TMPRSS13: variants seen among roughly 807,000 people sequenced by gnomAD.
The protein encoded by TMPRSS13 is transmembrane serine protease 13.
Under a neutral mutation model 68.4 loss-of-function variants are expected in TMPRSS13, and 50 were observed. The observed-to-expected ratio is 0.73, with a 90% CI of 0.58 to 0.93. TMPRSS13 has a LOEUF of 0.93. Ranked by LOEUF, TMPRSS13 falls within the 40% of genes least tolerant of loss-of-function variation. The pLI, the probability that TMPRSS13 is intolerant of heterozygous loss-of-function variation, is 0.00. For missense variants in TMPRSS13, 615 were observed against 729.2 expected (o/e 0.84, Z 1.80); for synonymous variants, 267 against 285.8 (o/e 0.93, Z 0.66).
intron 10 of TMPRSS13, among the ~76,000 whole-genome samples, chr11:117,904,865 A>ATATATATATATG (rs1380168630): frequency 1.4e-4 from 1 of 7,314 alleles, no homozygotes; most frequent in Non-Finnish European, 2.3e-4. Context: ...ATAAGATTAT[A>ATATATATATATG]TATATATATA....
At chr11:117,907,759 T>G (rs1275640668) in intron 9 of TMPRSS13, 1 of 974,258 alleles carries the variant, frequency 1.0e-6, no homozygotes. Flanking sequence ...CCACCATAGC[T>G]CCCTGCTCCC....
intron 1 of TMPRSS13, among the ~76,000 whole-genome samples, chr11:117,923,013 C>T (rs559501440): frequency 9.2e-5 from 14 of 151,982 alleles, no homozygotes; most frequent in South Asian, 4.1e-4. Flanking sequence ...GGCAGGGGTC[C>T]GCAGGAAAGC....
chr11:117,926,157 G>A lies in TMPRSS13; in HGVS notation c.21+3130C>T, dbSNP rs532157304. ...TGCCAGGGTCCTTGGAGGACGAGGT[G>A]AGGGCTACACACCTGCAGGGGCATA... On this transcript the variant is annotated intron_variant, in intron 1 of 12. Transcript: ENST00000524993. Among the ~76,000 whole-genome samples the A allele has an allele frequency of 4.4e-3, 615 of 139,500 alleles. 1 individual carries two copies. Among genetic ancestry groups the A allele is most frequent in the African/African-American group, 0.016 (567 of 34,994 alleles). The allele number at this position is 139,500 out of a possible 152,430, so 91.5% of individuals were successfully genotyped here.
Position 117,901,953 on chromosome 11 carries a change from T to C in TMPRSS13, c.*286A>G. Reference sequence around the variant, plus strand: ...CTCCATCCATCTATGGACACTCCTGTAGGAACATCCACGGTACTCAACTCT... The same window carrying C: ...CTCCATCCATCTATGGACACTCCTGCAGGAACATCCACGGTACTCAACTCT... On this transcript the variant is annotated 3_prime_UTR_variant, in exon 13 of 13. Coordinates refer to ENST00000524993, the MANE Select transcript of TMPRSS13 (RefSeq NM_001077263.3). 1 of 512,956 alleles carries C rather than the reference T, an allele frequency of 1.9e-6. No homozygotes were observed. The highest frequency in any genetic ancestry group is 3.2e-5 in the Admixed American group (1 of 31,600). 31.8% of individuals were successfully genotyped at this position (512,956 alleles called of 1,614,324 possible). A position where few individuals can be genotyped will look rare whatever the true frequency, so the allele number is the denominator to read the frequency against.
At chr11:117,927,044 C>CTA (rs2057714220) in intron 1 of TMPRSS13, among the ~76,000 whole-genome samples, 1 of 152,208 alleles carries the variant, frequency 6.6e-6, no homozygotes, top group South Asian at 2.1e-4. Flanking sequence ...ACATAATGAA[C>CTA]TATAACTCAA....
intron 1 of TMPRSS13, among the ~76,000 whole-genome samples, chr11:117,923,838 T>TTAAAAAAAAAA (rs56359328): frequency 3.1e-5 from 4 of 128,144 alleles, no homozygotes; most frequent in African/African-American, 8.5e-5. Context: ...GTATAATAAT[T>TTAAAAAAAAAA]AAAAAAAAAA....
intron 9 of TMPRSS13, chr11:117,907,706 G>T: frequency 2.7e-6 from 2 of 739,028 alleles, no homozygotes; most frequent in Non-Finnish European, 3.3e-6. Context: ...CCTCTGCTGA[G>T]CTTCCCCTAG....
chr11:117,910,069 G>C (rs1276443344), intron 7 of TMPRSS13, 101 bp from the exon 8 acceptor site: 11 of 1,450,086 alleles, frequency 7.6e-6, no homozygotes, highest in African/African-American at 1.4e-5. Flanking sequence ...GGCCAGGACA[G>C]GCTCAGGCAG....
chr11:117,923,654 G>A (rs181058811), intron 1 of TMPRSS13, among the ~76,000 whole-genome samples: 3 of 152,202 alleles, frequency 2.0e-5, no homozygotes, highest in South Asian at 4.1e-4. Flanking sequence ...TTGGACACAG[G>A]ATGGGGAACA....
At chr11:117,905,388 A>G (rs1324325815) in intron 10 of TMPRSS13, among the ~76,000 whole-genome samples, 1 of 152,058 alleles carries the variant, frequency 6.6e-6, no homozygotes, top group African/African-American at 2.4e-5. Flanking sequence ...TGAGCAATGA[A>G]CTCAACTAGT....
chr11:117,911,254 C>T (rs964028042), intron 6 of TMPRSS13, among the ~76,000 whole-genome samples: 2 of 152,204 alleles, frequency 1.3e-5, no homozygotes, highest in African/African-American at 4.8e-5. Flanking sequence ...AGACCCCAAA[C>T]CTCTGATGCT....
In TMPRSS13 at chr11:117,905,686, T is replaced by C. The variant is rs779658757; in HGVS notation, c.1333A>G (p.Asn445Asp). Residue 445 changes from asparagine to aspartate, a missense_variant, in exon 10 of 13, where the codon AAT becomes GAT. Coordinates refer to ENST00000524993, the MANE Select transcript of TMPRSS13 (RefSeq NM_001077263.3). ...AAGCCTGTGATCCAGCAGGTCTCATTGAGGCTAAAGGTCTGTCCATGCATG... is the reference window on the plus strand; with the variant it reads ...AAGCCTGTGATCCAGCAGGTCTCATCGAGGCTAAAGGTCTGTCCATGCATG... ...LPMHGQTFSL[N>D]ETCWITGFGK... The C allele has an allele frequency of 6.2e-7, 1 of 1,606,694 alleles. No individual in the cohort carries two copies. The highest frequency in any genetic ancestry group is 1.1e-5 in the South Asian group (1 of 89,466).
intron 2 of TMPRSS13, 100 bp downstream of exon 2, chr11:117,918,309 G>C: frequency 2.3e-6 from 3 of 1,287,860 alleles, no homozygotes; most frequent in Non-Finnish European, 3.2e-6. Flanking sequence ...TCCCCGCATC[G>C]TTGTCTGCTA....
Position 117,903,742 on chromosome 11 carries a change from G to C in TMPRSS13, c.1590C>G (p.Ser530Arg). The change falls in exon 12 of 13, where the codon AGC becomes AGG. Residue 530 changes from serine (S) to arginine (R), a missense_variant. Physicochemically the swap from Ser to Arg is moderately radical, Grantham distance 110. Transcript: ENST00000524993. ...TTCTCTGGCCACAGCCTGTGCCCCA[G>C]CTGGTGACACCTGCCAGGTACCAGC... ...NNRWYLAGVT[S>R]WGTGCGQRNK... 1 of 1,613,340 alleles carries C rather than the reference G, an allele frequency of 6.2e-7. No individual in the cohort carries two copies. Among genetic ancestry groups the C allele is most frequent in the Non-Finnish European group, 8.5e-7 (1 of 1,179,676 alleles).
chr11:117,924,715 C>T (rs936833173), intron 1 of TMPRSS13, among the ~76,000 whole-genome samples: 3 of 152,080 alleles, frequency 2.0e-5, no homozygotes, highest in East Asian at 1.9e-4. Context: ...CCCTTTCTCA[C>T]GGCTAGACCC....
At chr11:117,917,369 C>G (rs2057589847) in intron 2 of TMPRSS13, 95 bp from the exon 3 acceptor site, 1 of 844,204 alleles carries the variant, frequency 1.2e-6, no homozygotes, top group South Asian at 1.5e-5. Flanking sequence ...CCAGGAGGGC[C>G]CCGTGAGGAC....
intron 1 of TMPRSS13, among the ~76,000 whole-genome samples, chr11:117,926,075 G>A (rs1246752520): frequency 2.0e-5 from 3 of 151,282 alleles, no homozygotes; most frequent in African/African-American, 7.3e-5. Context: ...TAGGGCAGGT[G>A]CCAGGGTCCT....
At position 117,909,875 on chromosome 11, in the gene TMPRSS13, G is replaced by A. The variant is rs1369428026; in HGVS notation, c.1040C>T (p.Thr347Ile). ...WPWQVSLHFGTTHICGGTLID... is the reference protein window; with the variant it reads ...WPWQVSLHFGITHICGGTLID... ...GAGCGTGCCTCCACAGATGTGGGTG[G>A]TGCCGAAGTGCAGACTCACTTGCCA... The change falls in exon 8 of 13, where the codon ACC becomes ATC. Residue 347 changes from threonine to isoleucine, a missense_variant. Physicochemically the swap from Thr to Ile is moderately conservative, Grantham distance 89 (BLOSUM62 -1). Transcript: ENST00000524993. 3 of 1,613,944 alleles carry A rather than the reference G, an allele frequency of 1.9e-6. No homozygotes were observed. The highest frequency in any genetic ancestry group is 2.5e-6 in the Non-Finnish European group (3 of 1,180,042).
At chr11:117,924,634 G>T (rs1260913405) in intron 1 of TMPRSS13, among the ~76,000 whole-genome samples, 1 of 152,150 alleles carries the variant, frequency 6.6e-6, no homozygotes, top group Non-Finnish European at 1.5e-5. Context: ...AACCTGGGGA[G>T]CCCTGGGGTT....
Sources: gnomAD v4.1 joint callset for allele counts (sites outside exome capture counted in the v4.1 genomes callset) on GRCh38, gnomAD v4.1.1 for gene constraint, MANE v1.5 for transcripts, NCBI Gene and HGNC (gene_info 2026-07-23, HGNC 2026-07-21) for gene names.